LPP: variants seen among roughly 807,000 people sequenced by gnomAD.
LPP encodes the protein lipoma-preferred partner.
Under a neutral mutation model 60.4 loss-of-function variants are expected in LPP, and 38 were observed. The ratio of observed to expected loss-of-function variants is 0.63; its 90% CI spans 0.49 to 0.83. LPP has a LOEUF of 0.83. LPP is among the 40% of genes least tolerant of loss of function. LPP has a pLI of 0.00. For missense variants in LPP, 902 were observed against 783.6 expected (o/e 1.15, Z -1.80); for synonymous variants, 328 against 290.8 (o/e 1.13, Z -1.30).
At chr3:188,852,272 C>T (rs576894737) in intron 9 of LPP, among the ~76,000 whole-genome samples, 37 of 152,272 alleles carry the variant, frequency 2.4e-4, no homozygotes, top group Admixed American at 2.4e-3. Context: ...GGCTGCTTCT[C>T]CTTACACCTG....
Position 188,406,287 on chromosome 3 carries a change from A to T in LPP, c.167A>T (p.Asn56Ile). 6.2e-7 allele frequency: 1 copy of T among 1,614,012 alleles called. No homozygotes were observed. The highest frequency in any genetic ancestry group is 1.1e-5 in the South Asian group (1 of 91,072). Residue 56 changes from asparagine (N) to isoleucine (I), a missense_variant, in exon 4 of 12, where the codon AAC (asparagine) becomes ATC (isoleucine). Physicochemically the swap from Asn to Ile is moderately radical, Grantham distance 149. Coordinates refer to ENST00000617246, the MANE Select transcript of LPP (RefSeq NM_001375462.1). ...APVVAPKPKYNPYKQPGGEGD... is the reference protein window; with the variant it reads ...APVVAPKPKYIPYKQPGGEGD... ...GTAGTTGCTCCAAAACCTAAGTACA[A>T]CCCATACAAACAACCTGGAGGTGAG... is the stretch of plus-strand genomic sequence containing the variant.
chr3:188,801,207 G>T (rs1747163305), intron 9 of LPP, among the ~76,000 whole-genome samples: 1 of 152,164 alleles, frequency 6.6e-6, no homozygotes, highest in South Asian at 2.1e-4. Flanking sequence ...AAAGTCATCT[G>T]TCCTAGGCTC....
chr3:188,803,682 T>A (rs1748032092), intron 9 of LPP, among the ~76,000 whole-genome samples: 1 of 152,214 alleles, frequency 6.6e-6, no homozygotes, highest in Non-Finnish European at 1.5e-5. Flanking sequence ...TATATGTCTG[T>A]CCATTCTCCA....
chr3:188,889,705 G>T lies in LPP; in HGVS notation c.*15226G>T. The stretch of plus-strand genomic sequence containing the variant: ...CCATATAAGGAGCCCCATTACATAA[G>T]CTACGGGTGAGGTTGGAACAGCTAT... On this transcript the variant is annotated 3_prime_UTR_variant, in exon 12 of 12. Coordinates refer to ENST00000617246, the MANE Select transcript of LPP (RefSeq NM_001375462.1). 4.5e-6 allele frequency: 1 copy of T among 221,644 alleles called. No homozygotes were observed. The highest frequency in any genetic ancestry group is 6.6e-5 in the East Asian group (1 of 15,188). The allele number at this position is 221,644 out of a possible 1,614,324, so 13.7% of individuals were successfully genotyped here.
At chr3:188,233,768 G>A (rs1395437436) in intron 2 of LPP, among the ~76,000 whole-genome samples, 1 of 151,896 alleles carries the variant, frequency 6.6e-6, no homozygotes, top group Admixed American at 6.6e-5. Context: ...TTACACTTAA[G>A]GCCTTTAAGT....
At chr3:188,287,994 TA>T (rs1027251228) in intron 2 of LPP, among the ~76,000 whole-genome samples, 3 of 152,142 alleles carry the variant, frequency 2.0e-5, no homozygotes, top group Admixed American at 2.0e-4. Context: ...TAAGCAACAA[TA>T]AAAAAATCAG....
At position 188,636,970 on chromosome 3, in the gene LPP, C is replaced by T. The variant is rs1356466974; in HGVS notation, c.1113+27126C>T. ...ACAGATCAACGAGACAGAAAGTCAA[C>T]AAGGATACCCAGGAATTGAACTCAG... On this transcript the variant is annotated intron_variant, in intron 7 of 11. Transcript: ENST00000617246. 4.2e-5 allele frequency among the ~76,000 whole-genome samples: 6 copies of T among 143,126 alleles called. 1 individual carries two copies. The highest frequency in any genetic ancestry group is 9.2e-5 in the Non-Finnish European group (6 of 65,494). The allele number at this position is 143,126 out of a possible 152,430, so 93.9% of individuals were successfully genotyped here.
chr3:188,658,304 C>A (rs1853809350), intron 7 of LPP, among the ~76,000 whole-genome samples: 1 of 152,066 alleles, frequency 6.6e-6, no homozygotes, highest in Admixed American at 6.6e-5. Flanking sequence ...GCCACCACAC[C>A]TAGCTAATTT....
At chr3:188,833,746 A>T (rs1306024585) in intron 9 of LPP, among the ~76,000 whole-genome samples, 1 of 152,146 alleles carries the variant, frequency 6.6e-6, no homozygotes, top group Non-Finnish European at 1.5e-5. Context: ...ACCACCAAGA[A>T]TTAAATTAAT....
chr3:188,687,775 C>CTTTTTTTTTTTT (rs61574227), intron 7 of LPP, among the ~76,000 whole-genome samples: 4,232 of 126,302 alleles, frequency 0.034, 156 homozygotes, highest in Non-Finnish European at 0.054. Context: ...GTCTTATACT[C>CTTTTTTTTTTTT]TTTTTTTTTT....
chr3:188,219,683 T>G (rs1481156659), intron 1 of LPP, among the ~76,000 whole-genome samples: 1 of 152,334 alleles, frequency 6.6e-6, no homozygotes, highest in East Asian at 1.9e-4. Flanking sequence ...ATCCAGGACC[T>G]GTCATAAATG....
At chr3:188,586,638 A>T (rs1477281575) in intron 6 of LPP, among the ~76,000 whole-genome samples, 2 of 152,198 alleles carry the variant, frequency 1.3e-5, no homozygotes, top group African/African-American at 4.8e-5. Context: ...TGAGAAATGA[A>T]ACTGCAGAAT....
intron 9 of LPP, among the ~76,000 whole-genome samples, chr3:188,833,447 A>C (rs1399072697): frequency 6.6e-6 from 1 of 152,218 alleles, no homozygotes; most frequent in African/African-American, 2.4e-5. Context: ...TCCTTTCTGC[A>C]GGTGGAGCGT....
chr3:188,684,106 CAT>C (rs999416692), intron 7 of LPP, among the ~76,000 whole-genome samples: 18 of 152,226 alleles, frequency 1.2e-4, no homozygotes, highest in South Asian at 2.1e-4. Flanking sequence ...TCAGAAATGA[CAT>C]AACCATTCTT....
At chr3:188,657,258 G>GTATGTATATATATATATATATATA (rs1853438649) in intron 7 of LPP, among the ~76,000 whole-genome samples, 2 of 89,840 alleles carry the variant, frequency 2.2e-5, no homozygotes, top group East Asian at 1.0e-3. Context: ...CTGTCAAGGT[G>GTATGTATATATATATATATATATA]TATATATATA....
intron 2 of LPP, among the ~76,000 whole-genome samples, chr3:188,253,651 C>G (rs186067890): frequency 1.3e-5 from 2 of 152,288 alleles, no homozygotes; most frequent in Non-Finnish European, 1.5e-5. Context: ...TAAGAACATA[C>G]ATATTTTTGA....
chr3:188,365,389 G>T (rs1770825379), intron 3 of LPP, among the ~76,000 whole-genome samples: 1 of 152,212 alleles, frequency 6.6e-6, no homozygotes, highest in Non-Finnish European at 1.5e-5. Flanking sequence ...CGCTGTGTCT[G>T]TCTCGCCTCT....
chr3:188,441,778 G>A (rs1215971211), intron 4 of LPP, among the ~76,000 whole-genome samples: 10 of 151,142 alleles, frequency 6.6e-5, no homozygotes, highest in Admixed American at 1.3e-4. Flanking sequence ...CCGCCACCAC[G>A]CCCGGCTAAT....
At chr3:188,760,021 C>T (rs1731649468) in intron 8 of LPP, 92 bp from the exon 9 acceptor site, 9 of 1,081,888 alleles carry the variant, frequency 8.3e-6, no homozygotes, top group African/African-American at 1.6e-5. Flanking sequence ...TCTATTGCTG[C>T]TGACGTTATG....
Sources: gnomAD v4.1 joint callset for allele counts (sites outside exome capture counted in the v4.1 genomes callset) on GRCh38, gnomAD v4.1.1 for gene constraint, MANE v1.5 for transcripts, NCBI Gene and HGNC (gene_info 2026-07-23, HGNC 2026-07-21) for gene names.